The following SORCS3 variants were observed in gnomAD, a reference collection of about 807,000 sequenced individuals.
The protein encoded by SORCS3 is sortilin related VPS10 domain containing receptor 3, also known as VPS10 domain-containing receptor SorCS3.
SORCS3 carries 57 observed loss-of-function variants against 146.3 expected under a neutral mutation model. The observed-to-expected ratio is 0.39, with a 90% confidence interval of 0.31 to 0.49. The LOEUF is 0.49. Among genes scored for constraint, SORCS3 ranks in the 20% least tolerant of loss-of-function variants. The probability of loss-of-function intolerance (pLI) is 0.92; values close to 1 mark genes in which losing one functional copy is unlikely to be tolerated. For missense variants in SORCS3, 1,341 were observed against 1,575.5 expected, an observed-to-expected ratio of 0.85 and a Z score of 2.52; for synonymous variants, 653 against 618.5, an observed-to-expected ratio of 1.06 and a Z score of -0.83.
intron 2 of SORCS3, among the ~76,000 whole-genome samples, chr10:104,885,497 T>C (rs933519120): frequency 6.6e-6 from 1 of 152,180 alleles, no homozygotes; most frequent in Non-Finnish European, 1.5e-5. Context: ...TTAAAGTACA[T>C]CTTTATGTAC....
intron 1 of SORCS3, among the ~76,000 whole-genome samples, chr10:104,673,448 A>G (rs11192153): frequency 7.6e-6 from 1 of 131,604 alleles, no homozygotes; most frequent in East Asian, 2.0e-4. Flanking sequence ...GTGTGTGTGT[A>G]TTTTTTGATG....
rs561471078 is a variant in SORCS3 at position 105,185,134 on chromosome 10, G to T, written c.2009+6961G>T. Among the ~76,000 whole-genome samples, 155 of 152,110 alleles carry T rather than the reference G, an allele frequency of 1.0e-3. 1 individual carries two copies. Among genetic ancestry groups the T allele is most frequent in the African/African-American group, 3.4e-3 (143 of 41,498 alleles). On this transcript the variant is annotated intron_variant, in intron 14 of 26. Transcript: ENST00000369701. ...TGGTTCACCAATGTTGTCATAAATG[G>T]TATATTCAGCTTTTGTTAAAAAAAT... is the stretch of plus-strand genomic sequence containing the variant.
chr10:104,702,115 C>T (rs2016286435), intron 1 of SORCS3, among the ~76,000 whole-genome samples: 1 of 152,122 alleles, frequency 6.6e-6, no homozygotes, highest in South Asian at 2.1e-4. Flanking sequence ...AGACTTGGCT[C>T]ATGGGCAGTA....
At chr10:104,995,730 T>C (rs894171303) in intron 4 of SORCS3, among the ~76,000 whole-genome samples, 3 of 152,332 alleles carry the variant, frequency 2.0e-5, no homozygotes, top group South Asian at 2.1e-4. Flanking sequence ...CTCTTGACGG[T>C]GTCTCTCAAT....
At chr10:105,022,947 T>TA (rs936984926) in intron 4 of SORCS3, among the ~76,000 whole-genome samples, 18 of 151,354 alleles carry the variant, frequency 1.2e-4, no homozygotes, top group African/African-American at 3.6e-4. Context: ...AAATAGGATT[T>TA]AAAAAAAAAT....
intron 1 of SORCS3, among the ~76,000 whole-genome samples, chr10:104,724,826 T>C (rs1250326850): frequency 6.6e-6 from 1 of 152,212 alleles, no homozygotes; most frequent in East Asian, 1.9e-4. Flanking sequence ...TTCAGCTCCA[T>C]CAGGTCCTTT....
chr10:104,829,427 G>A (rs1386362204), intron 1 of SORCS3, among the ~76,000 whole-genome samples: 1 of 152,150 alleles, frequency 6.6e-6, no homozygotes, highest in African/African-American at 2.4e-5. Context: ...AACAGGAGAA[G>A]GGCTTTCAGA....
chr10:104,913,074 C>CTGGGAA (rs1204931753), intron 2 of SORCS3, among the ~76,000 whole-genome samples: 2 of 152,128 alleles, frequency 1.3e-5, no homozygotes, highest in East Asian at 3.9e-4. Flanking sequence ...GAGCAAGTGG[C>CTGGGAA]TGGGAATGGG....
intron 1 of SORCS3, among the ~76,000 whole-genome samples, chr10:104,780,237 C>G (rs1457806662): frequency 6.6e-6 from 1 of 151,666 alleles, no homozygotes; most frequent in African/African-American, 2.4e-5. Flanking sequence ...GCACGCCACA[C>G]GTTCAGCGGC....
intron 1 of SORCS3, among the ~76,000 whole-genome samples, chr10:104,752,632 T>G (rs1184844849): frequency 6.6e-6 from 1 of 152,214 alleles, no homozygotes; most frequent in Non-Finnish European, 1.5e-5. Context: ...CGTGTCCCAT[T>G]GTGATTGTTG....
chr10:104,954,769 A>G (rs887949356), intron 3 of SORCS3, among the ~76,000 whole-genome samples: 1 of 152,086 alleles, frequency 6.6e-6, no homozygotes, highest in Admixed American at 6.5e-5. Context: ...GGCCCGTGCT[A>G]CCTGTTTAGA....
intron 9 of SORCS3, among the ~76,000 whole-genome samples, chr10:105,155,827 C>T (rs2278861): frequency 6.6e-6 from 1 of 151,974 alleles, no homozygotes; most frequent in Non-Finnish European, 1.5e-5. Flanking sequence ...GGCCCTTTGT[C>T]AAATTCCCCT....
intron 5 of SORCS3, among the ~76,000 whole-genome samples, chr10:105,055,539 ATTC>A (rs1483946293): frequency 6.6e-6 from 1 of 152,156 alleles, no homozygotes; most frequent in African/African-American, 2.4e-5. Context: ...GCTGAATGTC[ATTC>A]TTCTTAGCCT....
intron 23 of SORCS3, among the ~76,000 whole-genome samples, chr10:105,255,056 C>T (rs2056922528): frequency 6.6e-6 from 1 of 151,632 alleles, no homozygotes; most frequent in South Asian, 2.1e-4. Flanking sequence ...GGCGAGGAGG[C>T]GTGCGCTTGT....
chr10:104,887,081 C>A (rs1230853350), intron 2 of SORCS3, among the ~76,000 whole-genome samples: 1 of 152,160 alleles, frequency 6.6e-6, no homozygotes, highest in East Asian at 1.9e-4. Context: ...GTCTCTTTTA[C>A]ATGGATTTAT....
intron 7 of SORCS3, among the ~76,000 whole-genome samples, chr10:105,117,613 A>C (rs2055902572): frequency 6.6e-6 from 1 of 152,184 alleles, no homozygotes; most frequent in African/African-American, 2.4e-5. Flanking sequence ...AACAAAACAA[A>C]GTAGGGTAAA....
intron 4 of SORCS3, among the ~76,000 whole-genome samples, chr10:105,024,573 T>G (rs1332570908): frequency 6.6e-6 from 1 of 152,172 alleles, no homozygotes; most frequent in Admixed American, 6.5e-5. Context: ...GCCTAACCTG[T>G]GTCTTTACTG....
chr10:104,644,591 A>G (rs2015468894), intron 1 of SORCS3, among the ~76,000 whole-genome samples: 1 of 152,202 alleles, frequency 6.6e-6, no homozygotes, highest in African/African-American at 2.4e-5. Context: ...ACACTTTGGG[A>G]AGATTCCTTC....
chr10:104,876,756 T>TCTTCC (rs372562304), intron 2 of SORCS3, among the ~76,000 whole-genome samples: 1 of 139,576 alleles, frequency 7.2e-6, no homozygotes, highest in East Asian at 2.3e-4. Context: ...CCTTTCTTTC[T>TCTTCC]TTCTCTTCCT....
Sources: gnomAD v4.1 joint callset for allele counts (sites outside exome capture counted in the v4.1 genomes callset) on GRCh38, gnomAD v4.1.1 for gene constraint, MANE v1.5 for transcripts, NCBI Gene and HGNC (gene_info 2026-07-23, HGNC 2026-07-21) for gene names.